The following TP63 variants were observed in gnomAD, a reference collection of about 807,000 sequenced individuals.
TP63 encodes the protein tumor protein p63.
In TP63, 17 loss-of-function variants were observed where a neutral mutation model predicts 82.8. The ratio of observed to expected loss-of-function variants is 0.21; its 90% CI spans 0.14 to 0.31. The LOEUF (loss-of-function observed/expected upper bound fraction) is 0.31, where lower values mean the gene tolerates loss of function less well. Ranked by LOEUF, TP63 falls within the 10% of genes least tolerant of loss-of-function variation. TP63 has a pLI of 1.00. For missense variants in TP63, 648 were observed against 895.3 expected, an observed-to-expected ratio of 0.72 and a Z score of 3.52; for synonymous variants, 330 against 321.7, an observed-to-expected ratio of 1.03 and a Z score of -0.28.
the TP63 span, among the ~76,000 whole-genome samples, chr3:189,606,720 G>C: frequency 1.3e-5 from 2 of 151,804 alleles, no homozygotes; most frequent in Non-Finnish European, 2.9e-5. Context: ...GCCCAGGCTG[G>C]TCTCCAACTC....
At chr3:189,827,977 A>G (rs888124049) in intron 4 of TP63, among the ~76,000 whole-genome samples, 3 of 152,206 alleles carry the variant, frequency 2.0e-5, no homozygotes, top group African/African-American at 7.2e-5. Context: ...GCAATGGCTC[A>G]TGCCTGTAAT....
At chr3:189,883,183 AT>A (rs34169907) in intron 10 of TP63, among the ~76,000 whole-genome samples, 1 of 148,002 alleles carries the variant, frequency 6.8e-6, no homozygotes, top group Non-Finnish European at 1.5e-5. Flanking sequence ...TAAATTTGTA[AT>A]TTTTTTTAAA....
At position 189,877,519 on chromosome 3, in the gene TP63, A is replaced by T. The variant is rs1361442674; in HGVS notation, c.1349+4524A>T. On this transcript the variant is annotated intron_variant, in intron 10 of 13. Transcript: ENST00000264731. ...TAGGCTAGCTCTTACTTTCCTCTGGAAATTTATTTTTGAGCTTCTACAGGA... is the reference window on the plus strand; with the variant it reads ...TAGGCTAGCTCTTACTTTCCTCTGGTAATTTATTTTTGAGCTTCTACAGGA... Among the ~76,000 whole-genome samples the T allele has an allele frequency of 2.6e-5, 4 of 152,194 alleles. No individual in the cohort carries two copies. In the East Asian group the frequency reaches 5.8e-4, roughly 22 times the overall value.
At chr3:189,825,699 A>G (rs1729276039) in intron 4 of TP63, among the ~76,000 whole-genome samples, 1 of 152,232 alleles carries the variant, frequency 6.6e-6, no homozygotes, top group African/African-American at 2.4e-5. Flanking sequence ...ATAATAGGAA[A>G]TGCCTTTTAG....
chr3:189,770,537 C>T (rs139742420), intron 3 of TP63, among the ~76,000 whole-genome samples: 1 of 151,664 alleles, frequency 6.6e-6, no homozygotes, highest in African/African-American at 2.4e-5. Flanking sequence ...TGCACTCCAG[C>T]CTGGCCAACA....
At chr3:189,655,411 G>A (rs1577184395) in intron 1 of TP63, among the ~76,000 whole-genome samples, 1 of 152,144 alleles carries the variant, frequency 6.6e-6, no homozygotes, top group African/African-American at 2.4e-5. Context: ...CATCACCTGA[G>A]GTCAAGAGTT....
At chr3:189,658,111 A>G (rs1713550917) in intron 1 of TP63, among the ~76,000 whole-genome samples, 1 of 152,074 alleles carries the variant, frequency 6.6e-6, no homozygotes, top group Non-Finnish European at 1.5e-5. Flanking sequence ...CAATCCACAA[A>G]ACATAATAAC....
intron 3 of TP63, among the ~76,000 whole-genome samples, chr3:189,796,850 A>G (rs904267726): frequency 1.3e-5 from 2 of 152,052 alleles, no homozygotes; most frequent in African/African-American, 4.8e-5. Context: ...GATTGATTGC[A>G]TGTTTGATAT....
At chr3:189,618,380 T>G in the TP63 span, among the ~76,000 whole-genome samples, 1 of 152,206 alleles carries the variant, frequency 6.6e-6, no homozygotes, top group Admixed American at 6.5e-5. Flanking sequence ...TTTCCTTTTC[T>G]TAGCTGTTAA....
At chr3:189,834,143 C>T (rs1469065067) in intron 4 of TP63, among the ~76,000 whole-genome samples, 1 of 152,098 alleles carries the variant, frequency 6.6e-6, no homozygotes, top group Non-Finnish European at 1.5e-5. Context: ...CCGTGGAGAG[C>T]TCAGTTGAGA....
chr3:189,732,485 C>T (rs1720244514), intron 1 of TP63, among the ~76,000 whole-genome samples: 1 of 152,206 alleles, frequency 6.6e-6, no homozygotes, highest in Non-Finnish European at 1.5e-5. Context: ...ACCATTCAAA[C>T]ACACTATCTA....
chr3:189,856,936 G>A (rs1356760199), intron 4 of TP63, among the ~76,000 whole-genome samples: 1 of 151,986 alleles, frequency 6.6e-6, no homozygotes, highest in African/African-American at 2.4e-5. Flanking sequence ...CATTGCTAAG[G>A]TATCAGTTCT....
At chr3:189,682,728 G>C (rs1401568647) in intron 1 of TP63, among the ~76,000 whole-genome samples, 1 of 151,864 alleles carries the variant, frequency 6.6e-6, no homozygotes, top group African/African-American at 2.4e-5. Flanking sequence ...CTACTCAAAA[G>C]TAATACAGGT....
intron 1 of TP63, among the ~76,000 whole-genome samples, chr3:189,645,669 C>T (rs55862838): frequency 0.13 from 18,517 of 146,604 alleles, 2,764 homozygotes; most frequent in East Asian, 0.31. Context: ...CCCCACCCCA[C>T]GACAGGCTCC....
At chr3:189,873,610 T>A (rs1718700168) in intron 10 of TP63, 1 of 163,414 alleles carries the variant, frequency 6.1e-6, no homozygotes, top group South Asian at 1.6e-4. Context: ...ATTTTTGGCA[T>A]AAATCAAGCC....
intron 10 of TP63, among the ~76,000 whole-genome samples, chr3:189,882,512 T>C (rs1439798993): frequency 6.6e-6 from 1 of 150,750 alleles, no homozygotes; most frequent in East Asian, 1.9e-4. Context: ...GATGCTCTGC[T>C]CCGCCCTCAG....
chr3:189,834,477 C>T (rs373624056), intron 4 of TP63, among the ~76,000 whole-genome samples: 44 of 152,206 alleles, frequency 2.9e-4, no homozygotes, highest in African/African-American at 9.6e-4. Context: ...GTTATGGACT[C>T]GCGTTTCCTC....
intron 3 of TP63, among the ~76,000 whole-genome samples, chr3:189,795,481 T>C (rs1725597075): frequency 6.6e-6 from 1 of 151,906 alleles, no homozygotes; most frequent in Non-Finnish European, 1.5e-5. Context: ...AAAGGTAATA[T>C]TTTATATGGT....
rs768752805 is a variant in TP63 at position 189,866,714 on chromosome 3, G to T, written c.799G>T (p.Val267Leu). The T allele has an allele frequency of 6.2e-7, 1 of 1,613,988 alleles. No homozygotes were observed. The highest frequency in any genetic ancestry group is 8.5e-7 in the Non-Finnish European group (1 of 1,179,982). The change falls in exon 6 of 14, where the codon GTA (valine) becomes TTA (leucine). Residue 267 changes from valine to leucine, a missense_variant. By Grantham distance (32) the Val-to-Leu change is conservative. Coordinates refer to ENST00000264731, the MANE Select transcript of TP63 (RefSeq NM_003722.5). ...TGCCCCTCCTAGTCATTTGATTCGA[G>T]TAGAGGGGAACAGCCATGCCCAGTA... is the stretch of plus-strand genomic sequence containing the variant. ...QIAPPSHLIR[V>L]EGNSHAQYVE... is the part of the protein sequence containing the mutation.
Sources: gnomAD v4.1 joint callset for allele counts (sites outside exome capture counted in the v4.1 genomes callset) on GRCh38, gnomAD v4.1.1 for gene constraint, MANE v1.5 for transcripts, NCBI Gene and HGNC (gene_info 2026-07-23, HGNC 2026-07-21) for gene names.